BPTF: variants seen among roughly 807,000 people sequenced by gnomAD.
BPTF encodes nucleosome-remodeling factor subunit BPTF.
In BPTF, 18 loss-of-function variants were observed where a neutral mutation model predicts 292.5. The ratio of observed to expected loss-of-function variants is 0.06; its 90% CI spans 0.04 to 0.09. The LOEUF (loss-of-function observed/expected upper bound fraction) is 0.09. BPTF is among the 10% of genes least tolerant of loss of function. The pLI is 1.00. For missense variants in BPTF, 2,726 were observed against 3,498.7 expected (o/e 0.78, Z 5.57); for synonymous variants, 1,225 against 1,251.9 (o/e 0.98, Z 0.45).
intron 26 of BPTF, among the ~76,000 whole-genome samples, chr17:67,969,829 G>A (rs1555689893): frequency 6.6e-6 from 1 of 152,116 alleles, no homozygotes; most frequent in Non-Finnish European, 1.5e-5. Flanking sequence ...AGGAGGCTGA[G>A]GCAGGAGAAT....
chr17:67,840,354 G>A (rs2057452607), intron 1 of BPTF, among the ~76,000 whole-genome samples: 1 of 152,070 alleles, frequency 6.6e-6, no homozygotes, highest in Admixed American at 6.5e-5. Flanking sequence ...CAATCCACCT[G>A]CCTCGGCCTC....
At chr17:67,836,903 TTGAGTC>T (rs1249954032) in intron 1 of BPTF, among the ~76,000 whole-genome samples, 4 of 152,218 alleles carry the variant, frequency 2.6e-5, no homozygotes, top group African/African-American at 9.6e-5. Context: ...ATTTGAACTT[TTGAGTC>T]TGAATTATCC....
At chr17:67,948,399 A>C (rs11870068) in intron 23 of BPTF, 93 bp downstream of exon 23, 258,163 of 1,179,540 alleles carry the variant, frequency 0.22, 33,795 homozygotes, top group East Asian at 0.69. Context: ...TTAAAATTTC[A>C]GTATGTTTTC....
chr17:67,855,946 A>G (rs996513255), intron 2 of BPTF, among the ~76,000 whole-genome samples: 1 of 152,218 alleles, frequency 6.6e-6, no homozygotes, highest in Non-Finnish European at 1.5e-5. Flanking sequence ...GGTGTTCTGC[A>G]GTTTTACAGT....
Position 67,968,264 on chromosome 17 carries a change from G to A in BPTF, c.8539+1608G>A, listed in dbSNP as rs533829810. Among the ~76,000 whole-genome samples, 54 of 150,252 alleles carry A rather than the reference G, an allele frequency of 3.6e-4. 1 individual carries two copies. The highest frequency in any genetic ancestry group is 2.6e-3 in the Admixed American group (39 of 15,126). ...TGTTTCATGGCAGCATGAAAGAGGG[G>A]GAAACATGAAGTGGAAATAAATGAA... On this transcript the variant is annotated intron_variant, in intron 26 of 27. Coordinates refer to ENST00000306378, the MANE Select transcript of BPTF (RefSeq NM_182641.4).
intron 18 of BPTF, among the ~76,000 whole-genome samples, chr17:67,937,528 G>A (rs1291503013): frequency 6.6e-6 from 1 of 152,180 alleles, no homozygotes; most frequent in African/African-American, 2.4e-5. Context: ...ATGAAATTTG[G>A]ATAAAGACCT....
At chr17:67,908,058 A>G (rs1340026374) in intron 9 of BPTF, among the ~76,000 whole-genome samples, 2 of 152,204 alleles carry the variant, frequency 1.3e-5, no homozygotes, top group African/African-American at 4.8e-5. Context: ...TCCATTTCTA[A>G]TAGGGTTCTG....
intron 7 of BPTF, among the ~76,000 whole-genome samples, chr17:67,901,865 C>T (rs1356504653): frequency 6.6e-6 from 1 of 152,192 alleles, no homozygotes; most frequent in Non-Finnish European, 1.5e-5. Flanking sequence ...ACCCAGCCAT[C>T]CCACCACTGG....
Position 67,854,681 on chromosome 17 carries a change from A to G in BPTF, c.1355A>G (p.Asn452Ser), listed in dbSNP as rs749559945. 2 of 1,614,260 alleles carry G rather than the reference A, an allele frequency of 1.2e-6. No homozygotes were observed. The highest frequency in any genetic ancestry group is 2.2e-5 in the East Asian group (1 of 44,890). Residue 452 changes from asparagine (N) to serine (S), a missense_variant, in exon 2 of 28, where the codon AAT (asparagine) becomes AGT (serine). Coordinates refer to ENST00000306378, the MANE Select transcript of BPTF (RefSeq NM_182641.4). The surrounding 1 kb of genome is among the most constrained non-coding windows in gnomAD (Gnocchi z 5.6). ...GACTGTGTTGCTGAAATCCAAAAAA[A>G]TAAACCATATATTCGACATGAACCT... ...VTDCVAEIQKNKPYIRHEPIG... is the reference protein window; with the variant it reads ...VTDCVAEIQKSKPYIRHEPIG...
intron 3 of BPTF, among the ~76,000 whole-genome samples, 170 bp from the exon 4 acceptor site, chr17:67,874,647 A>T (rs2059945218): frequency 6.6e-6 from 1 of 152,202 alleles, no homozygotes; most frequent in East Asian, 1.9e-4. Flanking sequence ...GAATTCTGTA[A>T]ACACAATTTT....
At chr17:67,959,017 A>G (rs1555682275) in intron 23 of BPTF, among the ~76,000 whole-genome samples, 1 of 152,112 alleles carries the variant, frequency 6.6e-6, no homozygotes, top group East Asian at 1.9e-4. Flanking sequence ...ATGTTGCACT[A>G]CTCTCCCTGC....
chr17:67,973,866 G>T (rs1463160791), intron 26 of BPTF: 1 of 151,694 alleles, frequency 6.6e-6, no homozygotes, highest in Non-Finnish European at 1.5e-5. Context: ...TAATATATGT[G>T]AAATTCTTAT....
intron 12 of BPTF, among the ~76,000 whole-genome samples, chr17:67,919,063 T>G (rs2063245375): frequency 6.6e-6 from 1 of 151,402 alleles, no homozygotes; most frequent in Admixed American, 6.6e-5. Flanking sequence ...TCCCAGCTAC[T>G]CGGGAGGCTG....
intron 23 of BPTF, among the ~76,000 whole-genome samples, chr17:67,953,260 C>CCGTCAAATTGTTCTATAA: frequency 1.6e-5 from 2 of 122,910 alleles, no homozygotes; most frequent in South Asian, 2.6e-4. Context: ...CGCGCCTGGC[C>CCGTCAAATTGTTCTATAA]TTTTTTTTTT....
chr17:67,831,441 G>A (rs968870882), intron 1 of BPTF, among the ~76,000 whole-genome samples: 1 of 152,206 alleles, frequency 6.6e-6, no homozygotes, highest in African/African-American at 2.4e-5. Context: ...GTAGAGAGGT[G>A]TGTCCTAGGT....
chr17:67,971,474 C>A (rs1285891039), intron 26 of BPTF, among the ~76,000 whole-genome samples: 3 of 149,892 alleles, frequency 2.0e-5, no homozygotes, highest in Admixed American at 1.3e-4. Context: ...CAAAGTGAGA[C>A]GCTGTCTTTA....
chr17:67,966,421 T>TG (rs1555687389), intron 25 of BPTF, 151 bp from the exon 26 acceptor site: 18 of 471,676 alleles, frequency 3.8e-5, no homozygotes. Context: ...CTTAGGTAAC[T>TG]ATTACTAGAG....
chr17:67,922,895 A>G lies in BPTF; in HGVS notation c.5613A>G (p.Arg1871=). The G allele has an allele frequency of 6.2e-7, 1 of 1,614,108 alleles. No homozygotes were observed. Among genetic ancestry groups the G allele is most frequent in the East Asian group, 2.2e-5 (1 of 44,874 alleles). The part of the protein sequence containing the change: ...GLRSSALRPK[R]PETPKQTGPV... ...GATCAAGTGCACTGCGGCCAAAGAG[A>G]CCAGAAACGCCCAAGCAAACTGGCC... The change falls in exon 14 of 28, where the codon AGA becomes AGG. Residue 1871 remains arginine, a synonymous_variant. Coordinates refer to ENST00000306378, the MANE Select transcript of BPTF (RefSeq NM_182641.4).
chr17:67,926,482 G>C (rs1171481527), intron 15 of BPTF, among the ~76,000 whole-genome samples: 1 of 151,392 alleles, frequency 6.6e-6, no homozygotes, highest in Non-Finnish European at 1.5e-5. Context: ...CCGCCACCAC[G>C]CCTGGCTAAT....
Sources: gnomAD v4.1 joint callset for allele counts (sites outside exome capture counted in the v4.1 genomes callset) on GRCh38, gnomAD v4.1.1 for gene constraint, Gnocchi (gnomAD v3.1) non-coding constraint, MANE v1.5 for transcripts, NCBI Gene and HGNC (gene_info 2026-07-23, HGNC 2026-07-21) for gene names.